CELF4: variants seen among roughly 807,000 people sequenced by gnomAD.
CELF4 encodes CUG-BP- and ETR-3-like factor 4.
CELF4 carries 18 observed loss-of-function variants against 59.9 expected under a neutral mutation model. That is an observed-to-expected ratio of 0.30 (90% CI 0.21 to 0.45). The LOEUF is 0.45. Ranked by LOEUF, CELF4 falls within the 20% of genes least tolerant of loss-of-function variation. The pLI, the probability that CELF4 is intolerant of heterozygous loss-of-function variation, is 1.00. For synonymous variants in CELF4, 261 were observed against 267.1 expected, an observed-to-expected ratio of 0.98 and a Z score of 0.22; for missense variants, 456 against 689.0, an observed-to-expected ratio of 0.66 and a Z score of 3.79.
At chr18:37,303,989 G>A (rs1018200164) in intron 3 of CELF4, among the ~76,000 whole-genome samples, 1 of 152,214 alleles carries the variant, frequency 6.6e-6, no homozygotes, top group African/African-American at 2.4e-5. Flanking sequence ...ACCTGCCTAG[G>A]CCTGTACCCA....
chr18:37,382,174 C>T (rs2099047818), intron 2 of CELF4, among the ~76,000 whole-genome samples: 2 of 152,224 alleles, frequency 1.3e-5, no homozygotes, highest in Admixed American at 1.3e-4. Context: ...CAGAATTCCA[C>T]TTCACTATGA....
chr18:37,308,016 C>T (rs997952068), intron 3 of CELF4, among the ~76,000 whole-genome samples: 1 of 152,096 alleles, frequency 6.6e-6, no homozygotes, highest in East Asian at 1.9e-4. Flanking sequence ...GGCAGCAGGT[C>T]CTGGGCAGGG....
Position 37,244,772 on chromosome 18 carries a change from T to G in CELF4, c.*470A>C, listed in dbSNP as rs2061465400. 6.6e-6 allele frequency: 1 copy of G among 152,592 alleles called. No individual in the cohort carries two copies. The highest frequency in any genetic ancestry group is 2.1e-4 in the South Asian group (1 of 4,832). The allele number at this position is 152,592 out of a possible 1,614,324, so 9.5% of individuals were successfully genotyped here. A position where few individuals can be genotyped will look rare whatever the true frequency, so the allele number is the denominator to read the frequency against. On this transcript the variant is annotated 3_prime_UTR_variant, in exon 13 of 13. Coordinates refer to ENST00000420428, the MANE Select transcript of CELF4 (RefSeq NM_020180.4). Reference sequence around the variant, plus strand: ...AGGAATGACAGATAGAGATGCTCAGTGGCGGCCTCTCAGCCGCCCCTTGGG... The same window carrying G: ...AGGAATGACAGATAGAGATGCTCAGGGGCGGCCTCTCAGCCGCCCCTTGGG...
chr18:37,445,235 A>G (rs2099744947), intron 2 of CELF4, among the ~76,000 whole-genome samples: 1 of 152,138 alleles, frequency 6.6e-6, no homozygotes, highest in Non-Finnish European at 1.5e-5. Flanking sequence ...TGGGCTGCAG[A>G]AGCGGGAGCA....
chr18:37,247,820 C>G (rs2063019453), intron 12 of CELF4, among the ~76,000 whole-genome samples: 1 of 152,156 alleles, frequency 6.6e-6, no homozygotes, highest in South Asian at 2.1e-4. Flanking sequence ...GCCCCTCAAA[C>G]CACCTTGGCC....
intron 3 of CELF4, chr18:37,305,659 C>A (rs895800388): frequency 6.6e-6 from 1 of 152,262 alleles, no homozygotes; most frequent in Non-Finnish European, 1.5e-5. Context: ...AAGTGCACCA[C>A]CCACCAGCTG....
intron 4 of CELF4, 54 bp downstream of exon 4, chr18:37,275,061 C>A (rs2092830552): frequency 1.3e-6 from 2 of 1,599,780 alleles, no homozygotes; most frequent in Non-Finnish European, 1.7e-6. Context: ...CCTCTGGTCT[C>A]CCTCCGCCTC....
intron 2 of CELF4, among the ~76,000 whole-genome samples, chr18:37,333,332 A>G (rs1371910145): frequency 4.1e-5 from 3 of 72,774 alleles, no homozygotes; most frequent in African/African-American, 1.6e-4. Flanking sequence ...CTCCCCCTCC[A>G]CTCCCTCCTC....
intron 2 of CELF4, among the ~76,000 whole-genome samples, chr18:37,416,166 G>A (rs538262713): frequency 1.3e-5 from 2 of 150,386 alleles, no homozygotes; most frequent in Non-Finnish European, 3.0e-5. Context: ...GGTCCCTTGG[G>A]GCCATTTGAG....
intron 2 of CELF4, among the ~76,000 whole-genome samples, chr18:37,345,650 G>A (rs1305425983): frequency 6.6e-6 from 1 of 152,080 alleles, no homozygotes; most frequent in African/African-American, 2.4e-5. Context: ...GTGGCTGAAG[G>A]CCTGGGAGGC....
At chr18:37,441,245 C>T (rs1308332999) in intron 2 of CELF4, among the ~76,000 whole-genome samples, 1 of 151,478 alleles carries the variant, frequency 6.6e-6, no homozygotes, top group African/African-American at 2.4e-5. Context: ...GGAGCTGGCT[C>T]CTCCCTACCT....
intron 1 of CELF4, among the ~76,000 whole-genome samples, chr18:37,506,180 G>A (rs750000251): frequency 2.0e-5 from 3 of 152,048 alleles, no homozygotes; most frequent in South Asian, 2.1e-4. Flanking sequence ...TGAAGCCCGC[G>A]ATGCTCCTGC....
intron 2 of CELF4, among the ~76,000 whole-genome samples, chr18:37,393,086 TGCG>T (rs1241626890): frequency 2.0e-5 from 3 of 151,110 alleles, no homozygotes; most frequent in Admixed American, 6.6e-5. Context: ...ACACAGGGAC[TGCG>T]GTGTGTTAGA....
Position 37,245,676 on chromosome 18 carries a change from T to G in CELF4, c.*45-479A>C, listed in dbSNP as rs938274483. On this transcript the variant is annotated intron_variant, in intron 12 of 12. Transcript: ENST00000420428. This position sits in a 1 kb window ranked among gnomAD's most constrained non-coding sequence, Gnocchi z 4.1. Reference sequence around the variant, plus strand: ...AAGGAAGACACATCCGTGACTCAAATTTTGTAGAATCCTTGCCCAGCTTCC... The same window carrying G: ...AAGGAAGACACATCCGTGACTCAAAGTTTGTAGAATCCTTGCCCAGCTTCC... Among the ~76,000 whole-genome samples, 6 of 152,148 alleles carry G rather than the reference T, an allele frequency of 3.9e-5. No individual in the cohort carries two copies. The highest frequency in any genetic ancestry group is 8.8e-5 in the Non-Finnish European group (6 of 68,028).
chr18:37,558,654 T>C (rs1350428876), intron 1 of CELF4, among the ~76,000 whole-genome samples: 1 of 151,854 alleles, frequency 6.6e-6, no homozygotes, highest in South Asian at 2.1e-4. Context: ...TCTAAAGGCC[T>C]GCAGGAAAAG....
intron 2 of CELF4, among the ~76,000 whole-genome samples, chr18:37,417,241 G>C (rs958275661): frequency 6.6e-6 from 1 of 152,124 alleles, no homozygotes; most frequent in Non-Finnish European, 1.5e-5. Flanking sequence ...GCTGGGTCTG[G>C]GGGGTAAACA....
intron 1 of CELF4, among the ~76,000 whole-genome samples, chr18:37,550,870 A>G (rs1416287945): frequency 5.9e-5 from 9 of 152,236 alleles, no homozygotes; most frequent in African/African-American, 2.2e-4. Flanking sequence ...GGTCCCTGTT[A>G]AAAGGCACGT....
intron 2 of CELF4, among the ~76,000 whole-genome samples, chr18:37,342,071 G>C (rs926213312): frequency 6.6e-6 from 1 of 152,066 alleles, no homozygotes; most frequent in Non-Finnish European, 1.5e-5. Context: ...TGGAGGACAG[G>C]AGAACAGTGG....
chr18:37,272,461 G>A (rs1569427321), intron 7 of CELF4, among the ~76,000 whole-genome samples: 2 of 151,718 alleles, frequency 1.3e-5, no homozygotes, highest in Non-Finnish European at 2.9e-5. Flanking sequence ...TGATTTGTGA[G>A]CTGGGTTCTT....
Sources: allele counts gnomAD v4.1 joint callset (sites outside exome capture counted in the v4.1 genomes callset), GRCh38; gene constraint gnomAD v4.1.1; non-coding constraint Gnocchi (gnomAD v3.1); transcripts MANE v1.5; gene names NCBI Gene and HGNC (gene_info 2026-07-23, HGNC 2026-07-21).